Variants in PEBP4 observed in about 807,000 individuals in gnomAD.
PEBP4 encodes phosphatidylethanolamine-binding protein 4.
In PEBP4, 22 loss-of-function variants were observed where a neutral mutation model predicts 23.9. That is an observed-to-expected ratio of 0.92 (90% confidence interval 0.66 to 1.31). The LOEUF (loss-of-function observed/expected upper bound fraction) is 1.31, where lower values mean the gene tolerates loss of function less well. Ranked by LOEUF, PEBP4 falls within the 40% of genes most tolerant of loss-of-function variation. The pLI, the probability that PEBP4 is intolerant of heterozygous loss-of-function variation, is 0.00. For synonymous variants in PEBP4, 112 were observed against 99.3 expected (o/e 1.13, Z -0.76); for missense variants, 324 against 281.7 (o/e 1.15, Z -1.07).
chr8:22,817,874 T>C, intron 3 of PEBP4, 139 bp from the exon 4 acceptor site: 1 of 701,964 alleles, frequency 1.4e-6, no homozygotes, highest in Non-Finnish European at 2.5e-6. Context: ...TTATCCTTGC[T>C]CTCGTGACAT....
chr8:22,920,277 GT>G lies in PEBP4; in HGVS notation c.164del (p.Asn55ThrfsTer24). 6.2e-7 allele frequency: 1 copy of G among 1,613,752 alleles called. No homozygotes were observed. Among genetic ancestry groups the G allele is most frequent in the South Asian group, 1.1e-5 (1 of 91,062 alleles). ...GLEVFYPELG[N>X]IGCKVVPDCN... is the part of the protein sequence containing the mutation. ...AATCAGGAACAACCTTGCAGCCAAT[GT>G]TCCCCAACTCTGGGTAGAAAACTTC... On this transcript the variant is annotated frameshift_variant, in exon 3 of 7. Coordinates refer to ENST00000256404, the MANE Select transcript of PEBP4 (RefSeq NM_144962.3). LOFTEE classifies it high-confidence loss of function.
At chr8:22,777,463 G>A (rs760017702) in intron 4 of PEBP4, among the ~76,000 whole-genome samples, 2 of 152,126 alleles carry the variant, frequency 1.3e-5, no homozygotes, top group East Asian at 1.9e-4. Flanking sequence ...AGGGGGGAAC[G>A]CAGCCCTGAG....
At chr8:22,769,594 C>T (rs563897728) in intron 4 of PEBP4, among the ~76,000 whole-genome samples, 2 of 152,262 alleles carry the variant, frequency 1.3e-5, no homozygotes, top group Admixed American at 1.3e-4. Flanking sequence ...TAGAACAGGG[C>T]CTTTCCCCAG....
intron 4 of PEBP4, among the ~76,000 whole-genome samples, chr8:22,797,302 C>T (rs953794905): frequency 1.3e-5 from 2 of 149,726 alleles, no homozygotes; most frequent in African/African-American, 4.9e-5. Context: ...AAACCCAAAT[C>T]GGAATATCTG....
At chr8:22,773,836 A>G (rs7812430) in intron 4 of PEBP4, among the ~76,000 whole-genome samples, 33,180 of 151,812 alleles carry the variant, frequency 0.22, 3,777 homozygotes, top group East Asian at 0.31. Flanking sequence ...TACCTCCTCC[A>G]CCCTTTTCCA....
At chr8:22,750,617 T>C (rs993535524) in intron 4 of PEBP4, among the ~76,000 whole-genome samples, 1 of 152,160 alleles carries the variant, frequency 6.6e-6, no homozygotes, top group African/African-American at 2.4e-5. Context: ...GAAGGGAATA[T>C]CCCGTGGGAG....
intron 3 of PEBP4, among the ~76,000 whole-genome samples, chr8:22,919,548 C>G (rs2128780562): frequency 6.6e-6 from 1 of 152,350 alleles, no homozygotes; most frequent in East Asian, 1.9e-4. Context: ...GACTCTTCCC[C>G]AGGCTTTCCA....
At chr8:22,742,284 G>A (rs943361602) in intron 4 of PEBP4, among the ~76,000 whole-genome samples, 2 of 152,348 alleles carry the variant, frequency 1.3e-5, no homozygotes, top group African/African-American at 2.4e-5. Context: ...CAGCTCTTGC[G>A]CCCCTGGTCC....
At chr8:22,771,859 T>C (rs1484510686) in intron 4 of PEBP4, among the ~76,000 whole-genome samples, 1 of 152,158 alleles carries the variant, frequency 6.6e-6, no homozygotes, top group Non-Finnish European at 1.5e-5. Flanking sequence ...TTAATCTATG[T>C]GTAATTAAAA....
At chr8:22,783,465 G>A (rs12056539) in intron 4 of PEBP4, among the ~76,000 whole-genome samples, 5 of 152,326 alleles carry the variant, frequency 3.3e-5, no homozygotes, top group Non-Finnish European at 5.9e-5. Flanking sequence ...AGGCAGTGGC[G>A]CAGCTGCTCC....
chr8:22,761,083 C>T (rs1805497932), intron 4 of PEBP4, among the ~76,000 whole-genome samples: 1 of 152,182 alleles, frequency 6.6e-6, no homozygotes, highest in Non-Finnish European at 1.5e-5. Flanking sequence ...CCCCTCTGCC[C>T]ATGGCCCACA....
intron 4 of PEBP4, among the ~76,000 whole-genome samples, chr8:22,765,835 CACCATTCAT>C (rs1805602416): frequency 4.1e-5 from 6 of 145,218 alleles, no homozygotes; most frequent in Admixed American, 6.8e-5. Context: ...TGTGGATCAC[CACCATTCAT>C]GGATCACCAC....
intron 4 of PEBP4, among the ~76,000 whole-genome samples, chr8:22,768,622 G>C (rs1416551861): frequency 6.6e-6 from 1 of 152,138 alleles, no homozygotes; most frequent in Non-Finnish European, 1.5e-5. Flanking sequence ...GCCTCGGGTG[G>C]GGCCTCGGCC....
intron 3 of PEBP4, among the ~76,000 whole-genome samples, chr8:22,850,166 C>CT (rs768879141): frequency 2.9e-4 from 44 of 151,726 alleles, no homozygotes; most frequent in Non-Finnish European, 5.3e-4. Context: ...GGCTTGAGGA[C>CT]TTGGCCAGTG....
chr8:22,714,846 A>C (rs1474103298), intron 6 of PEBP4, among the ~76,000 whole-genome samples: 1 of 152,186 alleles, frequency 6.6e-6, no homozygotes, highest in Non-Finnish European at 1.5e-5. Flanking sequence ...CTGACATTTC[A>C]AAGATGTTCT....
intron 6 of PEBP4, among the ~76,000 whole-genome samples, chr8:22,724,245 C>G (rs535263803): frequency 6.6e-6 from 1 of 152,142 alleles, no homozygotes; most frequent in Admixed American, 6.5e-5. Flanking sequence ...GCTCCCTGGC[C>G]CTGGTGGCAG....
intron 4 of PEBP4, among the ~76,000 whole-genome samples, chr8:22,762,291 C>T (rs1246312346): frequency 6.6e-6 from 1 of 152,164 alleles, no homozygotes; most frequent in African/African-American, 2.4e-5. Flanking sequence ...ACACTGAATT[C>T]CCTCTTGGCT....
At chr8:22,817,564 G>A in intron 4 of PEBP4, 73 bp downstream of exon 4, 1 of 1,366,266 alleles carries the variant, frequency 7.3e-7, no homozygotes, top group Non-Finnish European at 1.0e-6. Context: ...GATGAGAGGT[G>A]GGAACTGCAC....
At chr8:22,939,736 G>A (rs1809584619) in intron 1 of PEBP4, among the ~76,000 whole-genome samples, 1 of 152,008 alleles carries the variant, frequency 6.6e-6, no homozygotes. Flanking sequence ...TTATTACCCA[G>A]GAGTCAGGAG....
Sources: gnomAD v4.1 joint callset for allele counts (sites outside exome capture counted in the v4.1 genomes callset) on GRCh38, gnomAD v4.1.1 for gene constraint, MANE v1.5 for transcripts, NCBI Gene and HGNC (gene_info 2026-07-23, HGNC 2026-07-21) for gene names.